PTPRD: variants seen among roughly 807,000 people sequenced by gnomAD.
PTPRD encodes the protein protein tyrosine phosphatase receptor type D.
A neutral mutation model predicts 214.5 loss-of-function variants in PTPRD; 34 were observed. The observed-to-expected ratio is 0.16, with a 90% CI of 0.12 to 0.21. The LOEUF is 0.21. Among genes scored for constraint, PTPRD ranks in the 10% least tolerant of loss-of-function variants. The pLI, the probability that PTPRD is intolerant of heterozygous loss-of-function variation, is 1.00. For missense variants in PTPRD, 2,545 were observed against 2,398.7 expected (o/e 1.06, Z -1.27); for synonymous variants, 1,128 against 845.7 (o/e 1.33, Z -5.79).
At chr9:8,840,099 GTTAC>G (rs1291313657) in intron 11 of PTPRD, among the ~76,000 whole-genome samples, 30 of 152,246 alleles carry the variant, frequency 2.0e-4, no homozygotes, top group Non-Finnish European at 8.8e-5. Context: ...ATGAATAAAA[GTTAC>G]GGTATAGAAC....
At chr9:8,430,837 A>G (rs369879924) in intron 35 of PTPRD, among the ~76,000 whole-genome samples, 63 of 152,124 alleles carry the variant, frequency 4.1e-4, no homozygotes, top group African/African-American at 1.3e-3. Flanking sequence ...ACCTTTCTCA[A>G]TTCTCCAGAT....
intron 3 of PTPRD, among the ~76,000 whole-genome samples, chr9:10,332,876 C>G (rs1313045355): frequency 3.2e-4 from 48 of 151,820 alleles, no homozygotes; most frequent in Admixed American, 3.2e-3. Flanking sequence ...ATGCAGCCCC[C>G]TAACTTTTGA....
intron 9 of PTPRD, among the ~76,000 whole-genome samples, chr9:9,302,897 AC>A (rs756263802): frequency 6.6e-6 from 1 of 151,222 alleles, no homozygotes; most frequent in Non-Finnish European, 1.5e-5. Flanking sequence ...AATCTCTAGC[AC>A]CCTGCACAGA....
intron 9 of PTPRD, among the ~76,000 whole-genome samples, chr9:9,306,296 G>A (rs1957097286): frequency 6.6e-6 from 1 of 150,934 alleles, no homozygotes; most frequent in African/African-American, 2.4e-5. Context: ...GGGCGCAGTG[G>A]CTCACACCTG....
chr9:8,451,802 T>C (rs760717354), intron 33 of PTPRD: 2 of 428,792 alleles, frequency 4.7e-6, no homozygotes, highest in Admixed American at 2.7e-5. Flanking sequence ...AATTTGGATT[T>C]TTCTCCCTTC....
At chr9:10,154,408 T>C (rs191260874) in intron 3 of PTPRD, among the ~76,000 whole-genome samples, 1 of 152,264 alleles carries the variant, frequency 6.6e-6, no homozygotes, top group African/African-American at 2.4e-5. Context: ...ATTCTGCCAT[T>C]CTGTAGGTTA....
chr9:10,362,075 G>A (rs1042514679), intron 2 of PTPRD, among the ~76,000 whole-genome samples: 1 of 152,162 alleles, frequency 6.6e-6, no homozygotes, highest in Admixed American at 6.5e-5. Context: ...GTCAGCAACT[G>A]CCACAGCTTA....
chr9:10,499,264 G>C (rs928664354), intron 2 of PTPRD, among the ~76,000 whole-genome samples: 3 of 152,048 alleles, frequency 2.0e-5, no homozygotes, highest in African/African-American at 7.2e-5. Flanking sequence ...CCACTTATGT[G>C]TGAGAACATG....
In PTPRD at chr9:8,317,939, G is replaced by T. The variant is rs569093802; in HGVS notation, c.5674C>A (p.Gln1892Lys). 6.2e-7 allele frequency: 1 copy of T among 1,611,684 alleles called. No homozygotes were observed. The highest frequency in any genetic ancestry group is 8.5e-7 in the Non-Finnish European group (1 of 1,178,362). Reference protein sequence around the residue: ...QRPAMVQTEDQYQFSYRAALE... With the variant: ...QRPAMVQTEDKYQFSYRAALE... ...GCGGCACGATAGGAAAACTGATATT[G>T]ATCCTGCAGGAGACAATGAATGGGG... is the stretch of plus-strand genomic sequence containing the variant. The change falls in exon 46 of 46, where the codon CAA becomes AAA. Residue 1892 changes from glutamine to lysine, a missense_variant. Gln to Lys is a moderately conservative substitution (Grantham distance 53). Transcript: ENST00000381196.
At chr9:10,541,629 A>T (rs1425710374) in intron 2 of PTPRD, among the ~76,000 whole-genome samples, 2 of 151,946 alleles carry the variant, frequency 1.3e-5, no homozygotes, top group African/African-American at 4.8e-5. Flanking sequence ...TATGTTTGTT[A>T]TTCTTTATAT....
intron 2 of PTPRD, among the ~76,000 whole-genome samples, chr9:10,540,317 C>A (rs978320322): frequency 6.6e-6 from 1 of 152,116 alleles, no homozygotes; most frequent in Admixed American, 6.5e-5. Context: ...CATGAGCCAC[C>A]GGACCCGGGC....
intron 7 of PTPRD, among the ~76,000 whole-genome samples, chr9:9,707,112 G>T (rs563057716): frequency 6.6e-6 from 1 of 152,088 alleles, no homozygotes; most frequent in African/African-American, 2.4e-5. Context: ...GCATATGTAC[G>T]TCTGACTGAC....
intron 11 of PTPRD, among the ~76,000 whole-genome samples, chr9:8,905,615 T>G (rs1031963110): frequency 6.6e-6 from 1 of 151,880 alleles, no homozygotes; most frequent in African/African-American, 2.4e-5. Context: ...GGCGAGTGCC[T>G]GTAATCTCAA....
intron 10 of PTPRD, among the ~76,000 whole-genome samples, chr9:9,045,432 G>A (rs1047659467): frequency 1.1e-4 from 17 of 152,026 alleles, no homozygotes; most frequent in Admixed American, 8.5e-4. Flanking sequence ...AAGGGTCGGG[G>A]GTTGTGGTTT....
chr9:10,031,886 A>C (rs2097086890), intron 4 of PTPRD, among the ~76,000 whole-genome samples: 1 of 151,990 alleles, frequency 6.6e-6, no homozygotes, highest in Non-Finnish European at 1.5e-5. Flanking sequence ...CAGAAAATTT[A>C]AAAGGATTTT....
In PTPRD at chr9:9,101,088, G is replaced by C. The variant is rs1027815839; in HGVS notation, c.-143+82216C>G. ...TGTAAATATGAAATCTGAACCAATT[G>C]GCCAATGTAAAACAGAGAGAGAGAG... On this transcript the variant is annotated intron_variant, in intron 10 of 45. Coordinates refer to ENST00000381196, the MANE Select transcript of PTPRD (RefSeq NM_002839.4). 5.3e-5 allele frequency among the ~76,000 whole-genome samples: 6 copies of C among 112,174 alleles called. No homozygotes were observed. The Admixed American group carries it at 6.0e-4, about 11-fold the overall frequency. 73.6% of individuals were successfully genotyped at this position (112,174 alleles called of 152,430 possible). A position where few individuals can be genotyped will look rare whatever the true frequency, so the allele number is the denominator to read the frequency against.
In PTPRD at chr9:8,317,247, T is replaced by TA. The variant is rs971315419; in HGVS notation, c.*626dup. On this transcript the variant is annotated 3_prime_UTR_variant, in exon 46 of 46. Transcript: ENST00000381196. ...CTTAAAAAAACCTACGATTTGGAAA[T>TA]AAAAAAATGAAGAGTTATGTAACTT... is the stretch of plus-strand genomic sequence containing the variant. 2.1e-4 allele frequency: 49 copies of TA among 231,990 alleles called. 1 individual carries two copies. Among genetic ancestry groups the TA allele is most frequent in the Admixed American group, 1.2e-3 (21 of 17,704 alleles). 14.4% of individuals were successfully genotyped at this position (231,990 alleles called of 1,614,324 possible).
chr9:10,406,190 GGAT>G (rs1486402534), intron 2 of PTPRD, among the ~76,000 whole-genome samples: 5 of 151,148 alleles, frequency 3.3e-5, no homozygotes, highest in African/African-American at 4.8e-5. Context: ...GCAGAAATAA[GGAT>G]GATATTTGTT....
intron 2 of PTPRD, among the ~76,000 whole-genome samples, chr9:10,611,905 G>GC (rs71332762): frequency 0.094 from 11,985 of 127,680 alleles, 711 homozygotes; most frequent in Non-Finnish European, 0.11. Flanking sequence ...TCCCTTTTCC[G>GC]CCCCCCCCCC....
Sources: gnomAD v4.1 joint callset for allele counts (sites outside exome capture counted in the v4.1 genomes callset) on GRCh38, gnomAD v4.1.1 for gene constraint, MANE v1.5 for transcripts, NCBI Gene and HGNC (gene_info 2026-07-23, HGNC 2026-07-21) for gene names.